Variants in CROT observed in about 807,000 individuals in gnomAD.
CROT encodes peroxisomal carnitine O-octanoyltransferase.
CROT carries 84 observed loss-of-function variants against 89.2 expected under a neutral mutation model. The ratio of observed to expected loss-of-function variants is 0.94; its 90% CI spans 0.79 to 1.13. CROT has a LOEUF of 1.13. Among genes scored for constraint, CROT ranks in the 50% most tolerant of loss-of-function variants. CROT has a pLI of 0.00. For missense variants in CROT, 711 were observed against 727.8 expected (o/e 0.98, Z 0.27); for synonymous variants, 212 against 239.5 (o/e 0.89, Z 1.06).
chr7:87,375,377 T>C, intron 7 of CROT: 1 of 402,522 alleles, frequency 2.5e-6, no homozygotes, highest in East Asian at 4.7e-5. Flanking sequence ...AAAGTATATA[T>C]CAGCGAAACT....
rs78932483 is a variant in CROT, at chr7:87,354,952, C to G, written c.116-4254C>G. Among the ~76,000 whole-genome samples the G allele has an allele frequency of 4.9e-3, 753 of 152,238 alleles. 42 individuals are homozygous for G. The East Asian group carries it at 0.098, about 20-fold the overall frequency. On this transcript the variant is annotated intron_variant, in intron 3 of 17. Transcript: ENST00000331536. ...TCTTATCATGACTTACACAAACCGTCTATGACATGCTTGGACTTTCTGACT... is the reference window on the plus strand; with the variant it reads ...TCTTATCATGACTTACACAAACCGTGTATGACATGCTTGGACTTTCTGACT...
chr7:87,346,114 C>T (rs1420448046), intron 1 of CROT, among the ~76,000 whole-genome samples: 1 of 152,156 alleles, frequency 6.6e-6, no homozygotes, highest in African/African-American at 2.4e-5. Flanking sequence ...ACCCTTTGAA[C>T]CCGTCTAATG....
rs749777841 is a variant in CROT at position 87,382,136 on chromosome 7, A to G, written c.1125A>G (p.Lys375=). The change falls in exon 12 of 18, where the codon AAA becomes AAG. Residue 375 remains lysine (K), a synonymous_variant. Transcript: ENST00000331536. ...PEELIFIVDE[K]VLNDINQAKA... ...AGCTCATTTTCATTGTGGATGAGAA[A>G]GTTTTAAATGACATCAACCAAGCTA... The G allele has an allele frequency of 1.2e-6, 2 of 1,613,636 alleles. No homozygotes were observed. Among genetic ancestry groups the G allele is most frequent in the Admixed American group, 1.7e-5 (1 of 59,994 alleles).
At chr7:87,361,290 A>G in intron 4 of CROT, 100 bp from the exon 5 acceptor site, 1 of 1,194,636 alleles carries the variant, frequency 8.4e-7, no homozygotes, top group East Asian at 2.4e-5. Flanking sequence ...ATGTTGAAGA[A>G]TAATTAAAGA....
At chr7:87,366,728 T>C (rs1011356276) in intron 6 of CROT, among the ~76,000 whole-genome samples, 8 of 152,228 alleles carry the variant, frequency 5.3e-5, no homozygotes, top group Non-Finnish European at 8.8e-5. Flanking sequence ...AAATCTTTGC[T>C]ACCTCTCCCC....
intron 13 of CROT, among the ~76,000 whole-genome samples, chr7:87,383,085 TCAACC>T: frequency 6.6e-6 from 1 of 152,244 alleles, no homozygotes; most frequent in African/African-American, 2.4e-5. Flanking sequence ...GTCCACTGCC[TCAACC>T]ATTTATTACG....
chr7:87,350,613 T>G (rs920131204), intron 3 of CROT, among the ~76,000 whole-genome samples: 2 of 152,134 alleles, frequency 1.3e-5, no homozygotes, highest in African/African-American at 4.8e-5. Flanking sequence ...TAGTACATTG[T>G]CCAGTCCAGT....
At chr7:87,377,226 T>C (rs1806836073) in intron 9 of CROT, 123 bp from the exon 10 acceptor site, 1 of 585,332 alleles carries the variant, frequency 1.7e-6, no homozygotes, top group East Asian at 2.9e-5. Flanking sequence ...ATAACTATAT[T>C]ATGATTTTAT....
At chr7:87,393,100 A>G (rs1269651188) in intron 17 of CROT, 33 bp downstream of exon 17, 5 of 1,601,802 alleles carry the variant, frequency 3.1e-6, no homozygotes, top group Admixed American at 1.7e-5. Context: ...TTTCTGTGCT[A>G]TAGAGTAGGA....
chr7:87,366,073 T>C lies in CROT; in HGVS notation c.548-3303T>C, dbSNP rs553486827. 7.2e-5 allele frequency among the ~76,000 whole-genome samples: 11 copies of C among 152,288 alleles called. No individual in the cohort carries two copies. The South Asian group carries it at 1.0e-3, about 14-fold the overall frequency. ...TGCATGGTCTAATTTGATCCAAATT[T>C]CCCATTGCTCTGATCTACCCTCACG... On this transcript the variant is annotated intron_variant, in intron 6 of 17. Coordinates refer to ENST00000331536, the MANE Select transcript of CROT (RefSeq NM_021151.4).
intron 17 of CROT, among the ~76,000 whole-genome samples, chr7:87,397,946 T>TTA (rs1158637732): frequency 2.0e-5 from 3 of 152,190 alleles, no homozygotes; most frequent in Non-Finnish European, 2.9e-5. Flanking sequence ...TCTCTCCTAT[T>TTA]TATTTCAGCT....
At chr7:87,381,064 T>G (rs984986803) in intron 10 of CROT, among the ~76,000 whole-genome samples, 1 of 152,184 alleles carries the variant, frequency 6.6e-6, no homozygotes, top group Non-Finnish European at 1.5e-5. Flanking sequence ...AGAGCTATAG[T>G]GTTAGGGTGA....
chr7:87,385,731 A>G (rs757567724), intron 13 of CROT, among the ~76,000 whole-genome samples: 1 of 152,196 alleles, frequency 6.6e-6, no homozygotes, highest in Non-Finnish European at 1.5e-5. Flanking sequence ...AAAAGTGGTG[A>G]AAGTAGGCAT....
At chr7:87,354,543 GT>G (rs1420624934) in intron 3 of CROT, 42 of 352,386 alleles carry the variant, frequency 1.2e-4, no homozygotes, top group Admixed American at 6.2e-4. Flanking sequence ...TATACTAGAG[GT>G]AAACATTGCT....
At chr7:87,370,019 GT>G (rs1806582194) in intron 7 of CROT, among the ~76,000 whole-genome samples, 1 of 151,904 alleles carries the variant, frequency 6.6e-6, no homozygotes, top group Non-Finnish European at 1.5e-5. Flanking sequence ...AGTCAATGCT[GT>G]TTCAACTATA....
At chr7:87,386,820 T>C (rs1418700708) in intron 13 of CROT, among the ~76,000 whole-genome samples, 5 of 152,160 alleles carry the variant, frequency 3.3e-5, no homozygotes, top group South Asian at 4.1e-4. Flanking sequence ...GTTTTGTTCA[T>C]TGGGGATTGC....
At position 87,361,040 on chromosome 7, in the gene CROT, C is replaced by T. The variant is rs1279189146; in HGVS notation, c.241-350C>T. Among the ~76,000 whole-genome samples the T allele has an allele frequency of 2.6e-5, 4 of 152,112 alleles. 1 individual carries two copies. Among genetic ancestry groups the T allele is most frequent in the African/African-American group, 9.7e-5 (4 of 41,408 alleles). On this transcript the variant is annotated intron_variant, in intron 4 of 17. Transcript: ENST00000331536. Reference sequence around the variant, plus strand: ...CTGGAGTGCAGTGGTGCAATCATAGCTCACTGCAGCCTTGAACTCCTGGGC... The same window carrying T: ...CTGGAGTGCAGTGGTGCAATCATAGTTCACTGCAGCCTTGAACTCCTGGGC...
intron 10 of CROT, among the ~76,000 whole-genome samples, chr7:87,378,352 A>AAAC: frequency 6.6e-6 from 1 of 151,634 alleles, no homozygotes; most frequent in Non-Finnish European, 1.5e-5. Flanking sequence ...ACTCCAAAAA[A>AAAC]AAAAAAAAAA....
At chr7:87,384,191 C>T (rs937931092) in intron 13 of CROT, among the ~76,000 whole-genome samples, 1 of 152,026 alleles carries the variant, frequency 6.6e-6, no homozygotes, top group Admixed American at 6.6e-5. Flanking sequence ...GAGCATTTTT[C>T]ATATACTTGT....
Sources: allele counts gnomAD v4.1 joint callset (sites outside exome capture counted in the v4.1 genomes callset), GRCh38; gene constraint gnomAD v4.1.1; transcripts MANE v1.5; gene names NCBI Gene and HGNC (gene_info 2026-07-23, HGNC 2026-07-21).